Variants in GANAB observed in about 807,000 individuals in gnomAD.
GANAB encodes the protein neutral alpha-glucosidase AB.
GANAB carries 35 observed loss-of-function variants against 129.9 expected under a neutral mutation model. The observed-to-expected ratio is 0.27, with a 90% CI of 0.21 to 0.36. The LOEUF (loss-of-function observed/expected upper bound fraction) is 0.36. Among genes scored for constraint, GANAB ranks in the 10% least tolerant of loss-of-function variants. The pLI is 1.00. For synonymous variants in GANAB, 482 were observed against 451.8 expected (o/e 1.07, Z -0.85); for missense variants, 939 against 1,221.0 (o/e 0.77, Z 3.44).
chr11:62,646,515 G>C, intron 1 of GANAB, 47 bp downstream of exon 1: 1 of 1,601,682 alleles, frequency 6.2e-7, no homozygotes, highest in Non-Finnish European at 8.5e-7. Context: ...GGGACTTGGG[G>C]GATCTGGGGG....
chr11:62,639,782 G>T, intron 1 of GANAB, 51 bp from the exon 2 acceptor site: 2 of 1,220,584 alleles, frequency 1.6e-6, no homozygotes, highest in Non-Finnish European at 2.4e-6. Flanking sequence ...GTCAGAAGGG[G>T]CCCCCTTCAA....
chr11:62,639,136 G>A (rs1944102775), intron 3 of GANAB, 26 bp from the exon 4 acceptor site: 1 of 1,612,692 alleles, frequency 6.2e-7, no homozygotes, highest in East Asian at 2.2e-5. Flanking sequence ...TTTGGATCTG[G>A]AGAAAGGAAA....
At position 62,633,092 on chromosome 11, in the gene GANAB, G is replaced by A. The variant is rs763791670; in HGVS notation, c.728C>T (p.Ser243Phe). 6.2e-7 allele frequency: 1 copy of A among 1,611,498 alleles called. No homozygotes were observed. The highest frequency in any genetic ancestry group is 8.5e-7 in the Non-Finnish European group (1 of 1,177,680). The change falls in exon 8 of 24, where the codon TCT (serine) becomes TTT (phenylalanine). Residue 243 changes from serine to phenylalanine, a missense_variant. By Grantham distance (155) the Ser-to-Phe change is radical. Transcript: ENST00000356638. The part of the protein sequence containing the change: ...HSDSKPYGPM[S>F]VGLDFSLPGM... ...TGGCAGAGAGAAGTCCAAACCCACA[G>A]ACATGGGGCCTGGAAGAAAAACAAA...
intron 6 of GANAB, 54 bp downstream of exon 6, chr11:62,633,391 C>T (rs1283319486): frequency 8.9e-6 from 14 of 1,581,812 alleles, no homozygotes; most frequent in Admixed American, 1.7e-5. Flanking sequence ...GGGCCTCTCC[C>T]CTCCACCCTC....
chr11:62,630,395 C>T lies in GANAB; in HGVS notation c.1497G>A (p.Glu499=), dbSNP rs1421118545. ...YVKTRDGSDY[E]GWCWPGSAGY... is the part of the protein sequence containing the mutation. ...TCTGCTTACCTGGCCAGCACCAGCC[C>T]TCATAGTCAGAGCCATCCCGGGTTT... Residue 499 remains glutamate, a synonymous_variant, in exon 12 of 24, where the codon GAG becomes GAA. Transcript: ENST00000356638. 2.5e-6 allele frequency: 4 copies of T among 1,614,070 alleles called. No homozygotes were observed. The highest frequency in any genetic ancestry group is 3.4e-6 in the Non-Finnish European group (4 of 1,180,050).
At chr11:62,633,656 G>A in intron 5 of GANAB, 142 bp from the exon 6 acceptor site, 1 of 701,434 alleles carries the variant, frequency 1.4e-6, no homozygotes, top group Non-Finnish European at 2.5e-6. Flanking sequence ...AAAGCTTGGA[G>A]AGGGAACCCA....
chr11:62,630,146 G>C (rs1943596158), intron 13 of GANAB, 51 bp downstream of exon 13: 1 of 1,430,354 alleles, frequency 7.0e-7, no homozygotes, highest in Non-Finnish European at 9.8e-7. Context: ...AGAGATTCAG[G>C]GAGGCAGGTG....
rs1477266781 is a variant in GANAB at position 62,625,331 on chromosome 11, A to G, written c.*484T>C. The G allele has an allele frequency of 2.2e-6, 1 of 453,612 alleles. No homozygotes were observed. Among genetic ancestry groups the G allele is most frequent in the East Asian group, 6.9e-5 (1 of 14,390 alleles). The allele number at this position is 453,612 out of a possible 1,614,324, so 28.1% of individuals were successfully genotyped here. A position where few individuals can be genotyped will look rare whatever the true frequency, so the allele number is the denominator to read the frequency against. ...GTCCCAGTGTATCGGTGGGGCATAA[A>G]AAGGGGAGTAAAGCCTGGAGGAAGA... On this transcript the variant is annotated 3_prime_UTR_variant, in exon 24 of 24. Coordinates refer to ENST00000356638, the MANE Select transcript of GANAB (RefSeq NM_198334.3).
chr11:62,632,631 G>C lies in GANAB; in HGVS notation c.930C>G (p.Asp310Glu). Residue 310 changes from aspartate (D) to glutamate (E), a missense_variant, in exon 9 of 24, where the codon GAC becomes GAG. By Grantham distance (45) the Asp-to-Glu change is conservative. This residue lies in a region of GANAB where 220 missense variants were observed against 295.9 expected (regional missense o/e 0.74). Transcript: ENST00000356638. ...CAGCATTGAGCCAGAAGATGCCCAA[G>C]TCGCGATGAGGGTTGTGTGCCAGGA... ...PVLLAHNPHR[D>E]LGIFWLNAAE... 1 of 1,614,074 alleles carries C rather than the reference G, an allele frequency of 6.2e-7. No homozygotes were observed. The highest frequency in any genetic ancestry group is 8.5e-7 in the Non-Finnish European group (1 of 1,179,966).
Position 62,624,946 on chromosome 11 carries a change from A to AC in GANAB, c.*868_*869insG. On this transcript the variant is annotated 3_prime_UTR_variant, in exon 24 of 24. Coordinates refer to ENST00000356638, the MANE Select transcript of GANAB (RefSeq NM_198334.3). ...CCCGACTCCCCATTAGTCCTCCCCC[A>AC]ACCCCCCACCCAGGGCTTCCAGCCA... 1.9e-5 allele frequency: 1 copy of AC among 52,000 alleles called. No homozygotes were observed. Among genetic ancestry groups the AC allele is most frequent in the Admixed American group, 2.1e-4 (1 of 4,706 alleles). 3.2% of individuals were successfully genotyped at this position (52,000 alleles called of 1,614,324 possible).
intron 13 of GANAB, 58 bp from the exon 14 acceptor site, chr11:62,630,015 A>T: frequency 6.4e-7 from 1 of 1,569,032 alleles, no homozygotes; most frequent in Non-Finnish European, 8.8e-7. Context: ...GAAGACAAAC[A>T]GTGTCAGAGA....
chr11:62,634,541 T>C (rs1455101871), intron 5 of GANAB: 4 of 630,440 alleles, frequency 6.3e-6, no homozygotes, highest in Non-Finnish European at 1.1e-5. Flanking sequence ...CTGGGAAATG[T>C]GATGATGTGA....
rs11231167 is a variant in GANAB at position 62,631,296 on chromosome 11, C to T, written c.997-113G>A. 1 allele frequency: 973,631 copies of T among 975,164 alleles called. 486,066 individuals carry two copies. The highest frequency in any genetic ancestry group is 1 in the East Asian group (41,188 of 41,188). The allele number at this position is 975,164 out of a possible 1,614,324, so 60.4% of individuals were successfully genotyped here. On this transcript the variant is annotated intron_variant, in intron 9 of 23. Coordinates refer to ENST00000356638, the MANE Select transcript of GANAB (RefSeq NM_198334.3). ...TCCACACAGAGCTGGCTCATGTAAG[C>T]TGCTTTCGGTAAGACTAAACGGGGC...
At chr11:62,646,258 C>T (rs1944476487) in intron 1 of GANAB, among the ~76,000 whole-genome samples, 1 of 152,200 alleles carries the variant, frequency 6.6e-6, no homozygotes, top group Admixed American at 6.5e-5. Flanking sequence ...GGGGCGGCGA[C>T]GTTGACCGCC....
chr11:62,630,614 G>C lies in GANAB; in HGVS notation c.1373C>G (p.Ser458Cys). The change falls in exon 11 of 24, where the codon TCT (serine) becomes TGT (cysteine). Residue 458 changes from serine to cysteine, a missense_variant. Around this residue, in one of 5 missense-constraint regions of GANAB, gnomAD observed 220 missense variants for 295.9 expected, o/e 0.74. Coordinates refer to ENST00000356638, the MANE Select transcript of GANAB (RefSeq NM_198334.3). The stretch of plus-strand genomic sequence containing the variant: ...GCAACCCCTTACCTTCCGCCTCTTA[G>C]AAGCCAAGCGCTCAAGCATGGTGCG... ...QPRTMLERLASKRRKLVAIVD... is the reference protein window; with the variant it reads ...QPRTMLERLACKRRKLVAIVD... The C allele has an allele frequency of 1.2e-6, 2 of 1,612,060 alleles. No individual in the cohort carries two copies. The highest frequency in any genetic ancestry group is 1.1e-5 in the South Asian group (1 of 91,052).
At chr11:62,634,652 G>A (rs996541302) in intron 5 of GANAB, 169 bp downstream of exon 5, 4 of 631,198 alleles carry the variant, frequency 6.3e-6, no homozygotes, top group African/African-American at 5.5e-5. Context: ...TACAGGAAAT[G>A]GAAAAAACCG....
In GANAB at chr11:62,639,379, G is replaced by T; in HGVS notation, c.232C>A (p.Leu78Met). Residue 78 changes from leucine (L) to methionine (M), a missense_variant, in exon 3 of 24, where the codon CTG (leucine) becomes ATG (methionine). This residue lies in a region of GANAB where 321 missense variants were observed against 329.1 expected (regional missense o/e 0.98). Transcript: ENST00000356638. ...QLGPDSLTVH[L>M]IHEVTKVLLV... ...CTGACCTTGGTGACCTCATGGATCA[G>T]ATGGACCGTGAGGGAATCAGGACCA... 1 of 1,608,932 alleles carries T rather than the reference G, an allele frequency of 6.2e-7. No homozygotes were observed. Among genetic ancestry groups the T allele is most frequent in the Admixed American group, 1.7e-5 (1 of 59,916 alleles).
chr11:62,630,079 A>C, intron 13 of GANAB, 118 bp downstream of exon 13: 1 of 1,305,514 alleles, frequency 7.7e-7, no homozygotes. Context: ...TCCCCGGATC[A>C]TCAAGGCCCC....
At position 62,632,694 on chromosome 11, in the gene GANAB, C is replaced by G. The variant is rs1459443920; in HGVS notation, c.867G>C (p.Leu289=). 1.2e-6 allele frequency: 2 copies of G among 1,613,568 alleles called. No homozygotes were observed. Among genetic ancestry groups the G allele is most frequent in the East Asian group, 4.5e-5 (2 of 44,898 alleles). ...ACCCATACAAGGCCATTGGGTTGTACAGCTCATACTGGAACACATCCAAAT... is the reference window on the plus strand; with the variant it reads ...ACCCATACAAGGCCATTGGGTTGTAGAGCTCATACTGGAACACATCCAAAT... The part of the protein sequence containing the change: ...LYNLDVFQYE[L]YNPMALYGSV... The change falls in exon 9 of 24, where the codon CTG becomes CTC. Residue 289 remains leucine (L), a synonymous_variant. Coordinates refer to ENST00000356638, the MANE Select transcript of GANAB (RefSeq NM_198334.3).
Sources: allele counts gnomAD v4.1 joint callset (sites outside exome capture counted in the v4.1 genomes callset), GRCh38; gene constraint gnomAD v4.1.1; regional missense constraint gnomAD v4.1.1; transcripts MANE v1.5; gene names NCBI Gene and HGNC (gene_info 2026-07-23, HGNC 2026-07-21).